Variants in PPHLN1 observed in about 807,000 individuals in gnomAD.
PPHLN1 encodes periphilin 1.
Under a neutral mutation model 51.3 loss-of-function variants are expected in PPHLN1, and 29 were observed. The observed-to-expected ratio is 0.57, with a 90% CI of 0.42 to 0.77. The LOEUF (loss-of-function observed/expected upper bound fraction) is 0.77. Among genes scored for constraint, PPHLN1 ranks in the 30% least tolerant of loss-of-function variants. The pLI is 0.00. For missense variants in PPHLN1, 436 were observed against 438.4 expected, an observed-to-expected ratio of 0.99 and a Z score of 0.05; for synonymous variants, 147 against 147.8, an observed-to-expected ratio of 0.99 and a Z score of 0.04.
intron 5 of PPHLN1, chr12:42,375,299 C>T: frequency 2.6e-5 from 7 of 273,722 alleles, no homozygotes; most frequent in South Asian, 2.1e-4. Flanking sequence ...CCTTTAATTT[C>T]TTCAGCATGT....
intron 9 of PPHLN1, among the ~76,000 whole-genome samples, chr12:42,436,578 C>G (rs1330744187): frequency 1.3e-5 from 2 of 152,172 alleles, no homozygotes; most frequent in African/African-American, 4.8e-5. Context: ...TTCACATTAT[C>G]ATACATCTAC....
intron 4 of PPHLN1, among the ~76,000 whole-genome samples, chr12:42,357,877 C>T (rs1053332601): frequency 1.3e-5 from 2 of 152,172 alleles, no homozygotes; most frequent in Non-Finnish European, 2.9e-5. Flanking sequence ...TCATCCCTCA[C>T]TCACCTCCCA....
chr12:42,343,935 TA>T (rs1170714653), intron 2 of PPHLN1: 1 of 440,286 alleles, frequency 2.3e-6, no homozygotes, highest in Admixed American at 2.5e-5. Context: ...AGTGCTAAAA[TA>T]AGAATGTATG....
At chr12:42,326,315 T>C (rs1435138096) in intron 1 of PPHLN1, 86 bp downstream of exon 1, 2 of 152,382 alleles carry the variant, frequency 1.3e-5, no homozygotes, top group African/African-American at 2.4e-5. Context: ...GTTTTCTGTG[T>C]CGGGTCCTGG....
intron 2 of PPHLN1, among the ~76,000 whole-genome samples, chr12:42,336,430 C>A (rs1193040319): frequency 6.6e-6 from 1 of 151,978 alleles, no homozygotes; most frequent in African/African-American, 2.4e-5. Context: ...TGTTAATATC[C>A]CTTGTTAGGA....
At chr12:42,404,611 A>C (rs190374714) in intron 9 of PPHLN1, among the ~76,000 whole-genome samples, 16 of 152,222 alleles carry the variant, frequency 1.1e-4, no homozygotes, top group Admixed American at 5.2e-4. Context: ...TTTTCTGGTC[A>C]GTGTCAAGGT....
rs2077083992 is a variant in PPHLN1, at chr12:42,385,092, C to T, written c.568+96C>T. 5.5e-6 allele frequency: 7 copies of T among 1,278,626 alleles called. No individual in the cohort carries two copies. In the Admixed American group the frequency reaches 7.1e-5, roughly 13 times the overall value. The allele number at this position is 1,278,626 out of a possible 1,614,324, so 79.2% of individuals were successfully genotyped here. On this transcript the variant is annotated intron_variant, in intron 6 of 9. Transcript: ENST00000358314. Reference sequence around the variant, plus strand: ...AAATGGGGAAAGTGTATAACTGCTCCATTAGTCTATTGTGAGAACCACAGT... The same window carrying T: ...AAATGGGGAAAGTGTATAACTGCTCTATTAGTCTATTGTGAGAACCACAGT...
intron 4 of PPHLN1, among the ~76,000 whole-genome samples, chr12:42,364,539 G>T (rs931464131): frequency 1.3e-5 from 2 of 152,114 alleles, no homozygotes; most frequent in African/African-American, 4.8e-5. Context: ...TGGGAGAATT[G>T]CTTGAGCCTG....
chr12:42,404,286 T>TG (rs2079091388), intron 9 of PPHLN1, among the ~76,000 whole-genome samples: 1 of 152,166 alleles, frequency 6.6e-6, no homozygotes, highest in Non-Finnish European at 1.5e-5. Context: ...CCCAGCACTT[T>TG]GGGGGGCCCA....
At position 42,441,809 on chromosome 12, in the gene PPHLN1, C is replaced by G. The variant is rs1026008379; in HGVS notation, c.*300C>G. The G allele has an allele frequency of 9.1e-7, 1 of 1,093,110 alleles. No individual in the cohort carries two copies. Among genetic ancestry groups the G allele is most frequent in the Admixed American group, 4.8e-5 (1 of 20,814 alleles). The allele number at this position is 1,093,110 out of a possible 1,614,324, so 67.7% of individuals were successfully genotyped here. A position where few individuals can be genotyped will look rare whatever the true frequency, so the allele number is the denominator to read the frequency against. ...TGTTGAGATTACAGGCGTGAGCCAC[C>G]GCTCCCTGCCCAACACATATACCAT... On this transcript the variant is annotated 3_prime_UTR_variant, in exon 10 of 10. Transcript: ENST00000358314.
At chr12:42,416,918 T>A (rs1489665669) in intron 9 of PPHLN1, among the ~76,000 whole-genome samples, 1 of 152,232 alleles carries the variant, frequency 6.6e-6, no homozygotes, top group Non-Finnish European at 1.5e-5. Context: ...GCCAGATGGT[T>A]GAAAAATTTG....
intron 1 of PPHLN1, among the ~76,000 whole-genome samples, chr12:42,329,189 C>T (rs548189208): frequency 6.6e-6 from 1 of 151,736 alleles, no homozygotes; most frequent in Admixed American, 6.6e-5. Flanking sequence ...GCAAGCTCCC[C>T]CTCCCGGGTT....
intron 1 of PPHLN1, among the ~76,000 whole-genome samples, chr12:42,333,139 C>T (rs987468474): frequency 2.0e-5 from 3 of 152,142 alleles, no homozygotes; most frequent in Non-Finnish European, 4.4e-5. Flanking sequence ...CTTTGCTTAG[C>T]AGTATATCTT....
At chr12:42,383,506 G>A (rs2076928452) in intron 5 of PPHLN1, among the ~76,000 whole-genome samples, 1 of 152,138 alleles carries the variant, frequency 6.6e-6, no homozygotes, top group African/African-American at 2.4e-5. Context: ...AATAAGAATA[G>A]GAAAGTAAAA....
chr12:42,412,157 A>G (rs974235117), intron 9 of PPHLN1, among the ~76,000 whole-genome samples: 1 of 152,092 alleles, frequency 6.6e-6, no homozygotes, highest in Non-Finnish European at 1.5e-5. Context: ...GTGAGCCAAG[A>G]TCACGCCACT....
intron 6 of PPHLN1, 91 bp downstream of exon 6, chr12:42,385,087 TGC>T: frequency 7.6e-7 from 1 of 1,310,574 alleles, no homozygotes; most frequent in Non-Finnish European, 1.1e-6. Context: ...AGTGTATAAC[TGC>T]TCCATTAGTC....
At chr12:42,350,692 C>T (rs1163821318) in intron 2 of PPHLN1, among the ~76,000 whole-genome samples, 2 of 152,124 alleles carry the variant, frequency 1.3e-5, no homozygotes, top group Non-Finnish European at 2.9e-5. Flanking sequence ...ATTGAGTGAG[C>T]GAGACTCTGT....
At chr12:42,333,612 AG>A (rs1291022900) in intron 1 of PPHLN1, among the ~76,000 whole-genome samples, 1 of 151,996 alleles carries the variant, frequency 6.6e-6, no homozygotes, top group East Asian at 1.9e-4. Flanking sequence ...CCTCCCGAGT[AG>A]CTGGGACTAC....
intron 9 of PPHLN1, among the ~76,000 whole-genome samples, chr12:42,426,852 C>T (rs925309831): frequency 1.3e-5 from 2 of 151,990 alleles, no homozygotes; most frequent in Non-Finnish European, 2.9e-5. Context: ...GAAGATAATG[C>T]GACCTATATA....
Sources: gnomAD v4.1 joint callset for allele counts (sites outside exome capture counted in the v4.1 genomes callset) on GRCh38, gnomAD v4.1.1 for gene constraint, MANE v1.5 for transcripts, NCBI Gene and HGNC (gene_info 2026-07-23, HGNC 2026-07-21) for gene names.